The following IMPG1 variants were observed in gnomAD, a reference collection of about 807,000 sequenced individuals.
IMPG1 encodes the protein interphotoreceptor matrix proteoglycan 1, also known as interphotoreceptor matrix proteoglycan of 150 kDa.
Under a neutral mutation model 92.0 loss-of-function variants are expected in IMPG1, and 85 were observed. The ratio of observed to expected loss-of-function variants is 0.92; its 90% CI spans 0.78 to 1.11. The LOEUF (loss-of-function observed/expected upper bound fraction) is 1.11. IMPG1 is among the 50% of genes least tolerant of loss of function. The pLI, the probability that IMPG1 is intolerant of heterozygous loss-of-function variation, is 0.00. For synonymous variants in IMPG1, 367 were observed against 334.1 expected, an observed-to-expected ratio of 1.10 and a Z score of -1.08; for missense variants, 1,022 against 956.0, an observed-to-expected ratio of 1.07 and a Z score of -0.91.
rs763980265 is a variant in IMPG1, at chr6:76,072,503, A to T, written c.-15T>A. On this transcript the variant is annotated 5_prime_UTR_variant, in exon 1 of 17. The change abolishes an upstream ATG in the 5' untranslated region. Transcript: ENST00000369950. ...TCCAAATACATTCTGGCTTTTGTGC[A>T]TTGGTAATTCTGATAACAATCACAG... The T allele has an allele frequency of 1.3e-6, 2 of 1,535,958 alleles. No individual in the cohort carries two copies. Among genetic ancestry groups the T allele is most frequent in the Non-Finnish European group, 1.8e-6 (2 of 1,119,566 alleles).
intron 6 of IMPG1, among the ~76,000 whole-genome samples, chr6:76,021,798 T>TATATATATATATACAC (rs1169030839): frequency 7.1e-6 from 1 of 140,724 alleles, no homozygotes; most frequent in African/African-American, 2.6e-5. Flanking sequence ...TATATATATA[T>TATATATATATATACAC]ATATGGTTTT....
chr6:75,975,694 A>G (rs1012264136), intron 12 of IMPG1, among the ~76,000 whole-genome samples: 12 of 152,276 alleles, frequency 7.9e-5, no homozygotes, highest in African/African-American at 2.6e-4. Context: ...GAATTTGCAA[A>G]TTTGTATCAC....
chr6:76,003,079 T>G (rs953306416), intron 11 of IMPG1, 83 bp from the exon 12 acceptor site: 2 of 995,802 alleles, frequency 2.0e-6, no homozygotes, highest in East Asian at 4.9e-5. Context: ...ATTTCAAAAT[T>G]TTCATTTAAA....
At chr6:76,060,151 C>A (rs529124937) in intron 1 of IMPG1, among the ~76,000 whole-genome samples, 7 of 152,192 alleles carry the variant, frequency 4.6e-5, no homozygotes, top group Admixed American at 2.0e-4. Context: ...ATTAAGATGG[C>A]TGAATGAAGA....
At chr6:75,973,424 A>G (rs985943438) in intron 12 of IMPG1, among the ~76,000 whole-genome samples, 1 of 152,192 alleles carries the variant, frequency 6.6e-6, no homozygotes, top group African/African-American at 2.4e-5. Context: ...TCATTTAACA[A>G]ATATTTATTG....
chr6:75,963,418 A>G (rs1178346815), intron 12 of IMPG1, among the ~76,000 whole-genome samples: 1 of 151,804 alleles, frequency 6.6e-6, no homozygotes, highest in Non-Finnish European at 1.5e-5. Context: ...TGTATTTGTC[A>G]TGATTTTGTT....
intron 4 of IMPG1, among the ~76,000 whole-genome samples, chr6:76,028,455 T>C (rs955456030): frequency 6.6e-6 from 1 of 152,192 alleles, no homozygotes; most frequent in Non-Finnish European, 1.5e-5. Context: ...TGAAGCAACT[T>C]TTGACTTTTT....
intron 15 of IMPG1, among the ~76,000 whole-genome samples, chr6:75,924,473 AATT>A (rs1324633818): frequency 1.0e-5 from 1 of 98,970 alleles, no homozygotes; most frequent in Non-Finnish European, 1.9e-5. Flanking sequence ...ATATAAATAT[AATT>A]ATATATTATA....
intron 13 of IMPG1, among the ~76,000 whole-genome samples, chr6:75,949,713 A>G (rs935475489): frequency 6.6e-6 from 1 of 152,092 alleles, no homozygotes; most frequent in Non-Finnish European, 1.5e-5. Flanking sequence ...CTCTCCCAAT[A>G]TCTACTCACC....
At chr6:75,940,071 GTC>G (rs1185051456) in intron 14 of IMPG1, among the ~76,000 whole-genome samples, 1 of 152,118 alleles carries the variant, frequency 6.6e-6, no homozygotes, top group African/African-American at 2.4e-5. Flanking sequence ...CTGCAACATT[GTC>G]TCTCACCTCA....
At chr6:75,946,985 T>G (rs1781937711) in intron 14 of IMPG1, among the ~76,000 whole-genome samples, 1 of 152,148 alleles carries the variant, frequency 6.6e-6, no homozygotes, top group Non-Finnish European at 1.5e-5. Context: ...TAGCAGAATG[T>G]AAATTAGCTT....
rs184144177 is a variant in IMPG1 at position 76,005,546 on chromosome 6, A to C, written c.888-12T>G. Reference sequence around the variant, plus strand: ...CTGTGGAGCTTGAGCTGTAGATAGCAGAGGACACATTCCCCACCCAAAGCC... The same window carrying C: ...CTGTGGAGCTTGAGCTGTAGATAGCCGAGGACACATTCCCCACCCAAAGCC... On this transcript the variant is annotated splice_polypyrimidine_tract_variant and intron_variant, in intron 9 of 16. Coordinates refer to ENST00000369950, the MANE Select transcript of IMPG1 (RefSeq NM_001563.4). 9,607 of 1,612,268 alleles carry C rather than the reference A, an allele frequency of 6.0e-3. 37 individuals are homozygous for C. Among genetic ancestry groups the C allele is most frequent in the Non-Finnish European group, 7.5e-3 (8,820 of 1,178,966 alleles).
intron 14 of IMPG1, among the ~76,000 whole-genome samples, chr6:75,937,692 CAT>C (rs1332517801): frequency 6.6e-6 from 1 of 152,124 alleles, no homozygotes; most frequent in African/African-American, 2.4e-5. Context: ...TGATGAGTGA[CAT>C]ATACCACTTT....
At chr6:76,056,151 C>G (rs1784117033) in intron 1 of IMPG1, among the ~76,000 whole-genome samples, 2 of 151,988 alleles carry the variant, frequency 1.3e-5, no homozygotes, top group African/African-American at 4.8e-5. Flanking sequence ...TGATTTATCT[C>G]AGGAATGTAG....
chr6:76,003,849 A>C, intron 11 of IMPG1, 25 bp downstream of exon 11: 3 of 1,576,458 alleles, frequency 1.9e-6, no homozygotes, highest in African/African-American at 2.7e-5. Context: ...TTCCTAGTTA[A>C]AGAACAAAAG....
intron 5 of IMPG1, among the ~76,000 whole-genome samples, chr6:76,024,226 G>A (rs1166304624): frequency 1.3e-5 from 2 of 152,098 alleles, no homozygotes; most frequent in East Asian, 3.8e-4. Context: ...AGTAAAGGAA[G>A]AAATGGGAAA....
At chr6:75,982,112 T>C (rs1782636489) in intron 12 of IMPG1, among the ~76,000 whole-genome samples, 2 of 152,176 alleles carry the variant, frequency 1.3e-5, no homozygotes, top group South Asian at 4.1e-4. Flanking sequence ...AATCATATAT[T>C]AACATTAAGC....
At position 76,034,726 on chromosome 6, in the gene IMPG1, C is replaced by T. The variant is rs1471192965; in HGVS notation, c.363G>A (p.Gly121=). ...RIFLDRIPDT[G]EYQDWVSICQ... The stretch of plus-strand genomic sequence containing the variant: ...AGATGCTGACCCAGTCCTGATATTC[C>T]CCTGTGTCAGGGATGCGATCCAGAA... Residue 121 remains glycine (G), a synonymous_variant, in exon 3 of 17, where the codon GGG becomes GGA. Coordinates refer to ENST00000369950, the MANE Select transcript of IMPG1 (RefSeq NM_001563.4). 2.5e-6 allele frequency: 4 copies of T among 1,613,868 alleles called. No individual in the cohort carries two copies. In the Admixed American group the frequency reaches 5.0e-5, roughly 20 times the overall value.
intron 4 of IMPG1, among the ~76,000 whole-genome samples, chr6:76,026,010 G>A (rs922032689): frequency 1.3e-5 from 2 of 152,164 alleles, no homozygotes; most frequent in African/African-American, 4.8e-5. Context: ...TGGAGCCTTG[G>A]GAAGTTTGTG....
Sources: gnomAD v4.1 joint callset for allele counts (sites outside exome capture counted in the v4.1 genomes callset) on GRCh38, gnomAD v4.1.1 for gene constraint, MANE v1.5 for transcripts, NCBI Gene and HGNC (gene_info 2026-07-23, HGNC 2026-07-21) for gene names.